Variants in TCN1 observed in about 807,000 individuals in gnomAD.
TCN1 encodes transcobalamin 1.
In TCN1, 47 loss-of-function variants were observed where a neutral mutation model predicts 46.3. The observed-to-expected ratio is 1.01, with a 90% CI of 0.80 to 1.29. TCN1 has a LOEUF of 1.29. Ranked by LOEUF, TCN1 falls within the 50% of genes most tolerant of loss-of-function variation. The probability of loss-of-function intolerance (pLI) is 0.00; values close to 1 mark genes in which losing one functional copy is unlikely to be tolerated. For synonymous variants in TCN1, 183 were observed against 192.5 expected, an observed-to-expected ratio of 0.95 and a Z score of 0.41; for missense variants, 532 against 511.0, an observed-to-expected ratio of 1.04 and a Z score of -0.40.
chr11:59,854,994 A>G (rs1011178249), intron 6 of TCN1, among the ~76,000 whole-genome samples, 159 bp from the exon 7 acceptor site: 4 of 152,212 alleles, frequency 2.6e-5, no homozygotes, highest in Non-Finnish European at 5.9e-5. Flanking sequence ...CAAATTTCTC[A>G]TATAACTAAA....
intron 2 of TCN1, 130 bp downstream of exon 2, chr11:59,863,777 C>T (rs1853042551): frequency 9.4e-7 from 1 of 1,059,670 alleles, no homozygotes; most frequent in Non-Finnish European, 1.4e-6. Flanking sequence ...TTTCTGTTAC[C>T]TCAAGTTTGG....
At chr11:59,858,694 C>A (rs954747628) in intron 5 of TCN1, among the ~76,000 whole-genome samples, 1 of 152,160 alleles carries the variant, frequency 6.6e-6, no homozygotes, top group Admixed American at 6.5e-5. Flanking sequence ...ACTGGCTGGG[C>A]GCAGTGGCCC....
intron 5 of TCN1, among the ~76,000 whole-genome samples, chr11:59,856,522 G>A (rs1472705182): frequency 6.6e-6 from 1 of 152,050 alleles, no homozygotes; most frequent in African/African-American, 2.4e-5. Flanking sequence ...TCCTGGAGAA[G>A]GTGGTATTTG....
chr11:59,853,211 A>G lies in TCN1; in HGVS notation c.1232T>C (p.Leu411Pro), dbSNP rs755268122. 5.0e-6 allele frequency: 8 copies of G among 1,614,104 alleles called. No individual in the cohort carries two copies. In the Middle Eastern group the frequency reaches 4.9e-4, roughly 100 times the overall value. ...YWELLSGGEPLSQGAGSYVVR... is the reference protein window; with the variant it reads ...YWELLSGGEPPSQGAGSYVVR... ...GCATGTCTCTCCCTTACCTTGGCTC[A>G]GTGGTTCGCCTCCACTCAGAAGTTC... is the stretch of plus-strand genomic sequence containing the variant. The change falls in exon 8 of 9, where the codon CTG (leucine) becomes CCG (proline). Residue 411 changes from leucine to proline, a missense_variant. Physicochemically the swap from Leu to Pro is moderately conservative, Grantham distance 98. Transcript: ENST00000257264.
rs933375804 is a variant in TCN1, at chr11:59,862,521, G to A, written c.400+61C>T. On this transcript the variant is annotated intron_variant, in intron 3 of 8. Coordinates refer to ENST00000257264, the MANE Select transcript of TCN1 (RefSeq NM_001062.4). ...AAAGAGTGGAGGGAAACTTCATATA[G>A]TTTTGAATCAGTGGAGGAGAAGACA... 3.1e-6 allele frequency: 5 copies of A among 1,588,328 alleles called. No homozygotes were observed. In the African/African-American group the frequency reaches 6.7e-5, roughly 21 times the overall value.
intron 2 of TCN1, 100 bp downstream of exon 2, chr11:59,863,807 G>A (rs1853042774): frequency 7.5e-7 from 1 of 1,324,968 alleles, no homozygotes; most frequent in Non-Finnish European, 1.1e-6. Context: ...AAGGGATGTA[G>A]CAGGGATACT....
chr11:59,864,570 T>C (rs1042225230), intron 1 of TCN1, among the ~76,000 whole-genome samples: 3 of 152,128 alleles, frequency 2.0e-5, no homozygotes, highest in East Asian at 1.9e-4. Flanking sequence ...AATTCTGTGT[T>C]ATACTGGTGA....
intron 6 of TCN1, among the ~76,000 whole-genome samples, chr11:59,855,512 C>T (rs1313699770): frequency 6.6e-6 from 1 of 152,224 alleles, no homozygotes; most frequent in Non-Finnish European, 1.5e-5. Flanking sequence ...TAAGGGATCA[C>T]TCACTGTGCA....
At position 59,853,012 on chromosome 11, in the gene TCN1, T is replaced by C; in HGVS notation, c.1265A>G (p.Asn422Ser). The C allele has an allele frequency of 6.2e-7, 1 of 1,614,170 alleles. No individual in the cohort carries two copies. The highest frequency in any genetic ancestry group is 8.5e-7 in the Non-Finnish European group (1 of 1,180,030). ...SQGAGSYVVR[N>S]GENLEVRWSK... Reference sequence around the variant, plus strand: ...CCAGCGAACCTCCAAGTTTTCTCCATTGCGGACAACGTAACTACCAGCTCC... The same window carrying C: ...CCAGCGAACCTCCAAGTTTTCTCCACTGCGGACAACGTAACTACCAGCTCC... Residue 422 changes from asparagine to serine, a missense_variant, in exon 9 of 9, where the codon AAT (asparagine) becomes AGT (serine). Physicochemically the swap from Asn to Ser is conservative, Grantham distance 46 (BLOSUM62 1). Coordinates refer to ENST00000257264, the MANE Select transcript of TCN1 (RefSeq NM_001062.4).
At chr11:59,853,648 A>G (rs1866691821) in intron 7 of TCN1, among the ~76,000 whole-genome samples, 1 of 152,176 alleles carries the variant, frequency 6.6e-6, no homozygotes, top group Admixed American at 6.5e-5. Flanking sequence ...ACCCCAAGAT[A>G]GTAACTGCTA....
chr11:59,864,075 C>T lies in TCN1; in HGVS notation c.91G>A (p.Glu31Lys). The change falls in exon 2 of 9, where the codon GAA becomes AAA. Residue 31 changes from glutamate to lysine, a missense_variant. Transcript: ENST00000257264. ...QLCEICEVSE[E>K]NYIRLKPLLN... ...AGAGGTTTTAGGCGGATGTAGTTTT[C>T]TTCACTTACCTCTGTGGCAGAGAAG... The T allele has an allele frequency of 6.2e-7, 1 of 1,613,766 alleles. No homozygotes were observed. Among genetic ancestry groups the T allele is most frequent in the Non-Finnish European group, 8.5e-7 (1 of 1,179,702 alleles).
intron 5 of TCN1, 111 bp downstream of exon 5, chr11:59,858,963 ATTG>A: frequency 1.6e-6 from 2 of 1,238,128 alleles, no homozygotes; most frequent in Non-Finnish European, 2.3e-6. Flanking sequence ...AGCTCGCACC[ATTG>A]CAACTCCAGC....
At position 59,854,661 on chromosome 11, in the gene TCN1, G is replaced by A. The variant is rs1202821639; in HGVS notation, c.1112C>T (p.Thr371Ile). 2 of 1,613,784 alleles carry A rather than the reference G, an allele frequency of 1.2e-6. No homozygotes were observed. The highest frequency in any genetic ancestry group is 8.5e-7 in the Non-Finnish European group (1 of 1,179,798). Residue 371 changes from threonine to isoleucine, a missense_variant, in exon 7 of 9, where the codon ACT becomes ATT. Physicochemically the swap from Thr to Ile is moderately conservative, Grantham distance 89. Coordinates refer to ENST00000257264, the MANE Select transcript of TCN1 (RefSeq NM_001062.4). ...TTAGGTACAGACCTACCCAAATATA[G>A]TATCATTCATTTTCTGGGCTTTCTC... The part of the protein sequence containing the change: ...VMEKAQKMND[T>I]IFGFTMEERS...
At position 59,855,923 on chromosome 11, in the gene TCN1, T is replaced by A. The variant is rs1268496474; in HGVS notation, c.883A>T (p.Met295Leu). ...NAAAQVLPAL[M>L]GKTFLDINKD... ...TTAATATCCAAGAAGGTCTTTCCCA[T>A]CAGGGCAGGTAAGACCTGGGCTGCA... Residue 295 changes from methionine (M) to leucine (L), a missense_variant, in exon 6 of 9, where the codon ATG (methionine) becomes TTG (leucine). Transcript: ENST00000257264. The A allele has an allele frequency of 1.9e-6, 3 of 1,613,760 alleles. No homozygotes were observed. Among genetic ancestry groups the A allele is most frequent in the Non-Finnish European group, 2.5e-6 (3 of 1,179,812 alleles).
At chr11:59,863,204 C>T (rs1853036133) in intron 2 of TCN1, among the ~76,000 whole-genome samples, 1 of 152,116 alleles carries the variant, frequency 6.6e-6, no homozygotes, top group African/African-American at 2.4e-5. Flanking sequence ...AAAGCAGAGC[C>T]TTTTAGAGCA....
chr11:59,854,563 T>A, intron 7 of TCN1, 89 bp downstream of exon 7: 1 of 1,397,864 alleles, frequency 7.2e-7, no homozygotes. Context: ...GCATTTTAAA[T>A]ATACTTTGTA....
chr11:59,863,822 A>T, intron 2 of TCN1, 85 bp downstream of exon 2: 4 of 1,472,254 alleles, frequency 2.7e-6, no homozygotes, highest in African/African-American at 1.4e-5. Flanking sequence ...GATACTTTGG[A>T]TGCATAATTT....
chr11:59,856,922 A>C (rs1852949923), intron 5 of TCN1, among the ~76,000 whole-genome samples: 3 of 152,102 alleles, frequency 2.0e-5, no homozygotes, highest in Admixed American at 2.0e-4. Flanking sequence ...GAGGTAGTAA[A>C]AGTTAGGAGG....
intron 4 of TCN1, among the ~76,000 whole-genome samples, chr11:59,859,944 A>G (rs1210093838): frequency 6.6e-6 from 1 of 152,314 alleles, no homozygotes; most frequent in East Asian, 1.9e-4. Flanking sequence ...CAGCTGAGGA[A>G]CAGGTGTCTT....
Sources: allele counts gnomAD v4.1 joint callset (sites outside exome capture counted in the v4.1 genomes callset), GRCh38; gene constraint gnomAD v4.1.1; transcripts MANE v1.5; gene names NCBI Gene and HGNC (gene_info 2026-07-23, HGNC 2026-07-21).